Variants in L3HYPDH observed in about 807,000 individuals in gnomAD.
L3HYPDH encodes the protein trans-3-hydroxy-L-proline dehydratase.
Under a neutral mutation model 26.5 loss-of-function variants are expected in L3HYPDH, and 32 were observed. The observed-to-expected ratio is 1.21, with a 90% confidence interval of 0.91 to 1.62. L3HYPDH has a LOEUF of 1.62. Among genes scored for constraint, L3HYPDH ranks in the 40% most tolerant of loss-of-function variants. The probability of loss-of-function intolerance (pLI) is 0.00; values close to 1 mark genes in which losing one functional copy is unlikely to be tolerated. For missense variants in L3HYPDH, 554 were observed against 476.4 expected (o/e 1.16, Z -1.52); for synonymous variants, 215 against 196.6 (o/e 1.09, Z -0.78).
At chr14:59,479,389 T>A (rs1889861399) in intron 1 of L3HYPDH, 38 bp from the exon 2 acceptor site, 1 of 1,549,248 alleles carries the variant, frequency 6.5e-7, no homozygotes, top group Non-Finnish European at 8.8e-7. Context: ...GATGTGTTTG[T>A]TAATAAGTAT....
downstream of L3HYPDH, among the ~76,000 whole-genome samples, chr14:59,471,147 G>A (rs1291741614): frequency 6.6e-6 from 1 of 152,098 alleles, no homozygotes; most frequent in East Asian, 1.9e-4. Flanking sequence ...TTTAGTTCAA[G>A]GGAACCAGGG....
the L3HYPDH span, among the ~76,000 whole-genome samples, chr14:59,491,781 G>A: frequency 1.3e-5 from 2 of 152,228 alleles, no homozygotes; most frequent in Admixed American, 1.3e-4. Context: ...GACAAGGCAG[G>A]CAGTTGGGAT....
the L3HYPDH span, chr14:59,495,402 A>G: frequency 1.7e-6 from 1 of 576,480 alleles, no homozygotes; most frequent in Non-Finnish European, 3.1e-6. Flanking sequence ...TCTTTGGTAA[A>G]ATGGGAATAA....
chr14:59,501,397 G>T, the L3HYPDH span: 5 of 596,360 alleles, frequency 8.4e-6, no homozygotes, highest in Non-Finnish European at 1.1e-5. Flanking sequence ...GATGCCACTT[G>T]GTAGCTTTTG....
the L3HYPDH span, chr14:59,495,273 A>C: frequency 2.9e-6 from 4 of 1,385,826 alleles, no homozygotes; most frequent in African/African-American, 1.4e-5. Flanking sequence ...TAAATCTCTG[A>C]GGATTATTAT....
At chr14:59,505,162 G>T in the L3HYPDH span, 3 of 660,122 alleles carry the variant, frequency 4.5e-6, no homozygotes, top group Non-Finnish European at 7.2e-6. Flanking sequence ...ATTAACAGCT[G>T]CAAAATATGA....
the L3HYPDH span, chr14:59,495,307 A>G: frequency 9.4e-7 from 1 of 1,063,346 alleles, no homozygotes; most frequent in South Asian, 1.4e-5. Flanking sequence ...TTTGGAGACA[A>G]AAACAGGTGT....
the L3HYPDH span, among the ~76,000 whole-genome samples, chr14:59,492,800 T>C: frequency 3.5e-5 from 2 of 57,554 alleles, no homozygotes; most frequent in Admixed American, 2.0e-4. Flanking sequence ...AGCTGCTATT[T>C]TTTTTTTTTT....
At chr14:59,473,849 G>A (rs905747007) in intron 4 of L3HYPDH, among the ~76,000 whole-genome samples, 2 of 152,022 alleles carry the variant, frequency 1.3e-5, no homozygotes, top group Admixed American at 6.6e-5. Flanking sequence ...CTAAATGGAA[G>A]GACAGGGAAA....
chr14:59,467,402 G>A (rs1188580373), intron 1 of L3HYPDH, among the ~76,000 whole-genome samples: 2 of 152,144 alleles, frequency 1.3e-5, no homozygotes, highest in Non-Finnish European at 2.9e-5. Context: ...ACTTCATCAG[G>A]GGAGGAGGGG....
intron 4 of L3HYPDH, 147 bp downstream of exon 4, chr14:59,475,722 T>C: frequency 2.4e-6 from 2 of 845,300 alleles, no homozygotes; most frequent in Admixed American, 2.5e-5. Flanking sequence ...GGATAACCAA[T>C]GTCCTAGTTG....
chr14:59,484,588 C>G (rs773212666), upstream of L3HYPDH: 1 of 1,577,912 alleles, frequency 6.3e-7, no homozygotes, highest in African/African-American at 1.4e-5. Context: ...TTCAGGCGGC[C>G]CATGGGTGAG....
upstream of L3HYPDH, chr14:59,484,927 A>G: frequency 1.4e-6 from 2 of 1,465,190 alleles, no homozygotes; most frequent in Non-Finnish European, 9.0e-7. Flanking sequence ...ATAGTGCAGA[A>G]AAAACAGTAA....
In L3HYPDH at chr14:59,478,482, G is replaced by A. The variant is rs1353050761; in HGVS notation, c.678+700C>T. Among the ~76,000 whole-genome samples, 3 of 152,152 alleles carry A rather than the reference G, an allele frequency of 2.0e-5. 1 individual carries two copies. The highest frequency in any genetic ancestry group is 7.2e-5 in the African/African-American group (3 of 41,426). ...GCCTGTGGTCCCAGTTACTCTGGAG[G>A]CTGAGGCAGAAGCATCATTTTGAGC... On this transcript the variant is annotated intron_variant, in intron 2 of 4. Coordinates refer to ENST00000247194, the MANE Select transcript of L3HYPDH (RefSeq NM_144581.2).
At chr14:59,484,474 G>A (rs993902641), upstream of L3HYPDH, 1 of 1,419,028 alleles carries the variant, frequency 7.0e-7, no homozygotes, top group Non-Finnish European at 9.6e-7. Context: ...GAACTTCGGA[G>A]CTGTCGCCCG....
At chr14:59,473,707 AG>A (rs1198237410) in intron 4 of L3HYPDH, among the ~76,000 whole-genome samples, 2 of 152,226 alleles carry the variant, frequency 1.3e-5, no homozygotes, top group Non-Finnish European at 2.9e-5. Flanking sequence ...TAGTCAGGGC[AG>A]GGATAAACAT....
At chr14:59,487,523 T>C (rs1336471134), upstream of L3HYPDH, 9 of 578,924 alleles carry the variant, frequency 1.6e-5, no homozygotes, top group Non-Finnish European at 2.7e-5. Context: ...TTTCTTTTTA[T>C]TTTACTTATG....
At chr14:59,481,980 G>C (rs1014693696) in intron 1 of L3HYPDH, among the ~76,000 whole-genome samples, 3 of 152,172 alleles carry the variant, frequency 2.0e-5, no homozygotes, top group African/African-American at 7.2e-5. Flanking sequence ...TTCTCAAGAG[G>C]ACCAGATGTT....
upstream of L3HYPDH, among the ~76,000 whole-genome samples, chr14:59,488,787 ACT>A (rs1890771866): frequency 6.6e-6 from 1 of 152,038 alleles, no homozygotes; most frequent in African/African-American, 2.4e-5. Flanking sequence ...TGTCTGAAAT[ACT>A]CTCTTCATCT....
Sources: allele counts gnomAD v4.1 joint callset (sites outside exome capture counted in the v4.1 genomes callset), GRCh38; gene constraint gnomAD v4.1.1; transcripts MANE v1.5; gene names NCBI Gene and HGNC (gene_info 2026-07-23, HGNC 2026-07-21).